The following DDX60L variants were observed in gnomAD, a reference collection of about 807,000 sequenced individuals.
The protein encoded by DDX60L is probable ATP-dependent RNA helicase DDX60-like.
In DDX60L, 191 loss-of-function variants were observed where a neutral mutation model predicts 211.6. The observed-to-expected ratio is 0.90, with a 90% CI of 0.80 to 1.02. The LOEUF is 1.02. DDX60L is among the 50% of genes least tolerant of loss of function. The probability of loss-of-function intolerance (pLI) is 0.00; values close to 1 mark genes in which losing one functional copy is unlikely to be tolerated. For synonymous variants in DDX60L, 706 were observed against 694.1 expected, an observed-to-expected ratio of 1.02 and a Z score of -0.27; for missense variants, 2,007 against 1,984.1, an observed-to-expected ratio of 1.01 and a Z score of -0.22.
intron 25 of DDX60L, among the ~76,000 whole-genome samples, chr4:168,403,273 C>A (rs927103710): frequency 1.3e-5 from 2 of 151,962 alleles, no homozygotes; most frequent in Non-Finnish European, 2.9e-5. Context: ...ACACATGTGG[C>A]TTAGTGCTAC....
intron 28 of DDX60L, among the ~76,000 whole-genome samples, chr4:168,392,144 A>G (rs868161686): frequency 4.6e-5 from 7 of 152,340 alleles, no homozygotes; most frequent in African/African-American, 1.7e-4. Flanking sequence ...TAGGGTAATA[A>G]TGTTTTGTCT....
intron 36 of DDX60L, among the ~76,000 whole-genome samples, chr4:168,371,146 C>T (rs1310502463): frequency 6.6e-6 from 1 of 151,492 alleles, no homozygotes; most frequent in Admixed American, 6.6e-5. Context: ...TAGAAATCAA[C>T]ATTCTTTCTT....
At chr4:168,441,536 A>G (rs1196332003) in intron 9 of DDX60L, 44 bp from the exon 10 acceptor site, 2 of 1,471,122 alleles carry the variant, frequency 1.4e-6, no homozygotes, top group Non-Finnish European at 9.3e-7. Context: ...AGTCATACAC[A>G]TGCAGACACA....
intron 17 of DDX60L, 93 bp from the exon 18 acceptor site, chr4:168,420,473 C>G: frequency 2.9e-5 from 3 of 102,770 alleles, no homozygotes; most frequent in Admixed American, 2.7e-4. Flanking sequence ...TACACACACA[C>G]ACACACACAC....
rs1053772450 is a variant in DDX60L at position 168,375,396 on chromosome 4, T to C, written c.4614A>G (p.Gln1538=). ...SKSVNMKKEH[Q]LPLSRIKFTG... is the part of the protein sequence containing the mutation. ...GCTTACTGATTCTTGACAAAGGGAG[T>C]TGATGCTCTTTTTTCATGTTCACCG... The change falls in exon 34 of 38, where the codon CAA becomes CAG. Residue 1538 remains glutamine (Q), a synonymous_variant. Transcript: ENST00000682922. The C allele has an allele frequency of 6.2e-7, 1 of 1,612,260 alleles. No individual in the cohort carries two copies. Among genetic ancestry groups the C allele is most frequent in the African/African-American group, 1.3e-5 (1 of 74,832 alleles).
At chr4:168,417,980 C>A (rs1381699609) in intron 19 of DDX60L, among the ~76,000 whole-genome samples, 2 of 152,284 alleles carry the variant, frequency 1.3e-5, no homozygotes, top group Middle Eastern at 3.4e-3. Context: ...CAGGCAATTT[C>A]TCTGAACTTT....
intron 36 of DDX60L, among the ~76,000 whole-genome samples, chr4:168,370,257 C>T (rs966426225): frequency 8.5e-5 from 13 of 152,070 alleles, no homozygotes; most frequent in African/African-American, 2.9e-4. Context: ...GAATGAAATC[C>T]TGTCATTTGT....
Position 168,471,907 on chromosome 4 carries a change from T to C in DDX60L, c.104A>G (p.Glu35Gly), listed in dbSNP as rs997682941. The C allele has an allele frequency of 6.2e-7, 1 of 1,607,706 alleles. No individual in the cohort carries two copies. Among genetic ancestry groups the C allele is most frequent in the African/African-American group, 1.3e-5 (1 of 74,426 alleles). Reference sequence around the variant, plus strand: ...TCCATCAATCACAAAAAAATTAGATTCCACAAAATCATTTAATATGCTGGA... The same window carrying C: ...TCCATCAATCACAAAAAAATTAGATCCCACAAAATCATTTAATATGCTGGA... ...GYSSILNDFVESNFFVIDGDS... is the reference protein window; with the variant it reads ...GYSSILNDFVGSNFFVIDGDS... Residue 35 changes from glutamate (E) to glycine (G), a missense_variant, in exon 4 of 38, where the codon GAA becomes GGA. Coordinates refer to ENST00000682922, the MANE Select transcript of DDX60L (RefSeq NM_001012967.3).
intron 26 of DDX60L, among the ~76,000 whole-genome samples, chr4:168,398,708 C>T (rs1185146212): frequency 6.6e-6 from 1 of 152,190 alleles, no homozygotes; most frequent in African/African-American, 2.4e-5. Context: ...TCAGACTCAG[C>T]CAGACTTGAG....
chr4:168,433,600 G>A (rs893323289), intron 10 of DDX60L, among the ~76,000 whole-genome samples: 3 of 152,108 alleles, frequency 2.0e-5, no homozygotes, highest in Non-Finnish European at 2.9e-5. Flanking sequence ...CAGTTCCTAT[G>A]TATGGTTTAC....
chr4:168,380,759 CAGA>C, intron 30 of DDX60L: 1 of 152,032 alleles, frequency 6.6e-6, no homozygotes, highest in East Asian at 1.9e-4. Flanking sequence ...GTGGAGGGCT[CAGA>C]AGAAGACAGG....
At chr4:168,373,900 G>A in intron 34 of DDX60L, 92 bp from the exon 35 acceptor site, 1 of 1,261,654 alleles carries the variant, frequency 7.9e-7, no homozygotes, top group Non-Finnish European at 1.1e-6. Context: ...CACAGTAGGT[G>A]ACATTCATCT....
chr4:168,458,753 C>CATTT (rs1357902377), intron 5 of DDX60L, among the ~76,000 whole-genome samples: 1 of 152,174 alleles, frequency 6.6e-6, no homozygotes, highest in Non-Finnish European at 1.5e-5. Flanking sequence ...CCATGGCACA[C>CATTT]ATTTACCTAT....
intron 5 of DDX60L, among the ~76,000 whole-genome samples, chr4:168,460,502 A>G (rs976900160): frequency 1.3e-5 from 2 of 152,144 alleles, no homozygotes; most frequent in Non-Finnish European, 2.9e-5. Context: ...GCTTTCCAGG[A>G]TCTGGGCGGC....
At chr4:168,452,792 T>G (rs1339803654) in intron 8 of DDX60L, among the ~76,000 whole-genome samples, 1 of 152,136 alleles carries the variant, frequency 6.6e-6, no homozygotes. Context: ...TTTAATACAC[T>G]TTTATTAAAA....
rs554776505 is a variant in DDX60L, at chr4:168,448,253, A to T, written c.1138+385T>A. 1.9e-3 allele frequency among the ~76,000 whole-genome samples: 295 copies of T among 152,322 alleles called. 2 individuals carry two copies. The highest frequency in any genetic ancestry group is 6.7e-3 in the African/African-American group (279 of 41,580). ...GCCACTCTAGATAATTTACTCTATA[A>T]AAATATTCAAAGGAAGGCAAAAATT... On this transcript the variant is annotated intron_variant, in intron 9 of 37. Coordinates refer to ENST00000682922, the MANE Select transcript of DDX60L (RefSeq NM_001012967.3).
chr4:168,454,779 T>A (rs1384840174), intron 7 of DDX60L, among the ~76,000 whole-genome samples: 1 of 141,088 alleles, frequency 7.1e-6, no homozygotes, highest in East Asian at 2.0e-4. Context: ...TTTTTTTTTT[T>A]AGCAGCTAGA....
chr4:168,406,180 C>A, intron 23 of DDX60L, 102 bp from the exon 24 acceptor site: 2 of 1,227,048 alleles, frequency 1.6e-6, no homozygotes, highest in Non-Finnish European at 2.2e-6. Context: ...AACAAAATTG[C>A]AAACTCCTTG....
intron 1 of DDX60L, among the ~76,000 whole-genome samples, chr4:168,479,157 T>G (rs371054134): frequency 1.3e-5 from 1 of 78,018 alleles, no homozygotes; most frequent in Non-Finnish European, 3.5e-5. Context: ...GATGGATGGA[T>G]GGATGGATAG....
Sources: allele counts gnomAD v4.1 joint callset (sites outside exome capture counted in the v4.1 genomes callset), GRCh38; gene constraint gnomAD v4.1.1; transcripts MANE v1.5; gene names NCBI Gene and HGNC (gene_info 2026-07-23, HGNC 2026-07-21).